The following TNR variants were observed in gnomAD, a reference collection of about 807,000 sequenced individuals.
TNR encodes tenascin-R.
TNR carries 45 observed loss-of-function variants against 150.4 expected under a neutral mutation model. The ratio of observed to expected loss-of-function variants is 0.30; its 90% CI spans 0.24 to 0.38. The LOEUF is 0.38. Among genes scored for constraint, TNR ranks in the 10% least tolerant of loss-of-function variants. The pLI is 1.00. For synonymous variants in TNR, 687 were observed against 678.4 expected (o/e 1.01, Z -0.20); for missense variants, 1,544 against 1,759.1 (o/e 0.88, Z 2.19).
intron 4 of TNR, among the ~76,000 whole-genome samples, chr1:175,398,318 G>A (rs1439595158): frequency 6.6e-6 from 1 of 152,048 alleles, no homozygotes; most frequent in Non-Finnish European, 1.5e-5. Context: ...TCTTGAGGAT[G>A]GCAAATGTTG....
At chr1:175,509,177 G>A (rs1221870823) in intron 2 of TNR, among the ~76,000 whole-genome samples, 1 of 152,090 alleles carries the variant, frequency 6.6e-6, no homozygotes, top group Non-Finnish European at 1.5e-5. Flanking sequence ...TTTCTTTCTG[G>A]ACCAGCCTAG....
intron 1 of TNR, among the ~76,000 whole-genome samples, chr1:175,574,290 T>C (rs759875692): frequency 6.6e-5 from 10 of 152,120 alleles, no homozygotes; most frequent in Admixed American, 2.6e-4. Context: ...CTGGGTGAAA[T>C]GAAAAGACGT....
At chr1:175,720,320 G>T (rs1667264956) in intron 1 of TNR, among the ~76,000 whole-genome samples, 1 of 152,162 alleles carries the variant, frequency 6.6e-6, no homozygotes, top group Non-Finnish European at 1.5e-5. Context: ...CTGCAAGCCA[G>T]AAAATGAGCC....
intron 1 of TNR, among the ~76,000 whole-genome samples, chr1:175,622,830 T>C (rs10913032): frequency 0.48 from 72,246 of 151,988 alleles, 18,359 homozygotes; most frequent in African/African-American, 0.68. Context: ...CTCCTGGTGA[T>C]TTATGGGCAC....
intron 1 of TNR, among the ~76,000 whole-genome samples, chr1:175,681,847 G>T (rs559695768): frequency 4.8e-4 from 73 of 152,266 alleles, no homozygotes; most frequent in African/African-American, 1.7e-3. Context: ...TTCTGTTGGC[G>T]TCTCCACCTG....
chr1:175,657,879 A>ATATATATG (rs1257413429), intron 1 of TNR, among the ~76,000 whole-genome samples: 3 of 121,104 alleles, frequency 2.5e-5, no homozygotes, highest in Admixed American at 8.4e-5. Context: ...ATATATATAT[A>ATATATATG]TATATGTAAC....
chr1:175,459,283 A>T (rs990128808), intron 2 of TNR, among the ~76,000 whole-genome samples: 4 of 151,994 alleles, frequency 2.6e-5, no homozygotes, highest in African/African-American at 9.7e-5. Context: ...CACCATCACC[A>T]TTGCTACCAT....
chr1:175,663,540 C>A (rs547106782), intron 1 of TNR, among the ~76,000 whole-genome samples: 1 of 152,294 alleles, frequency 6.6e-6, no homozygotes, highest in South Asian at 2.1e-4. Flanking sequence ...ACTCTAAGTT[C>A]ACCATGAACC....
intron 2 of TNR, among the ~76,000 whole-genome samples, chr1:175,410,261 G>C (rs897676449): frequency 3.0e-4 from 45 of 152,324 alleles, no homozygotes; most frequent in African/African-American, 1.0e-3. Flanking sequence ...GTGGGGGCCA[G>C]GTCATGCCCA....
rs933225207 is a variant in TNR, at chr1:175,632,266, T to A, written c.-164-103897A>T. Among the ~76,000 whole-genome samples, 5 of 152,196 alleles carry A rather than the reference T, an allele frequency of 3.3e-5. No homozygotes were observed. The South Asian group carries it at 1.0e-3, about 32-fold the overall frequency. ...ACTTGGCAAATGTGATTCTTAGAGA[T>A]GGTGTGAAGAGAACCAGTTTCTCTC... On this transcript the variant is annotated intron_variant, in intron 1 of 22. Coordinates refer to ENST00000367674, the MANE Select transcript of TNR (RefSeq NM_003285.3).
rs1209821284 is a variant in TNR at position 175,623,377 on chromosome 1, CT to C, written c.-164-95009del. On this transcript the variant is annotated intron_variant, in intron 1 of 22. Coordinates refer to ENST00000367674, the MANE Select transcript of TNR (RefSeq NM_003285.3). Reference sequence around the variant, plus strand: ...ATAAAAGACTCCCAGAAAACAGTTTCTTACCCAAAATGTAGCCTCCTAGTTG... The same window carrying C: ...ATAAAAGACTCCCAGAAAACAGTTTCTACCCAAAATGTAGCCTCCTAGTTG... Among the ~76,000 whole-genome samples, 3 of 152,310 alleles carry C rather than the reference CT, an allele frequency of 2.0e-5. No individual in the cohort carries two copies. In the East Asian group the frequency reaches 5.8e-4, roughly 29 times the overall value.
At chr1:175,632,751 A>G (rs1337371210) in intron 1 of TNR, among the ~76,000 whole-genome samples, 3 of 152,218 alleles carry the variant, frequency 2.0e-5, no homozygotes, top group Non-Finnish European at 4.4e-5. Context: ...TCCAGATGAA[A>G]AAAACGAGAT....
At chr1:175,341,161 C>T (rs1302610754) in intron 18 of TNR, among the ~76,000 whole-genome samples, 2 of 152,118 alleles carry the variant, frequency 1.3e-5, no homozygotes, top group East Asian at 3.9e-4. Flanking sequence ...GGGCAAATTT[C>T]AGGCCCTCCT....
intron 1 of TNR, among the ~76,000 whole-genome samples, chr1:175,676,949 C>G: frequency 6.6e-6 from 1 of 152,190 alleles, no homozygotes; most frequent in East Asian, 1.9e-4. Flanking sequence ...AGCATTGTTC[C>G]CATTTTCCAG....
At chr1:175,394,672 T>C (rs1416125638) in intron 5 of TNR, among the ~76,000 whole-genome samples, 1 of 152,252 alleles carries the variant, frequency 6.6e-6, no homozygotes, top group Non-Finnish European at 1.5e-5. Flanking sequence ...ATTTTAGCTT[T>C]GCCTCTCATG....
chr1:175,393,097 T>TCAA (rs1167534095), intron 6 of TNR, among the ~76,000 whole-genome samples: 1 of 152,162 alleles, frequency 6.6e-6, no homozygotes, highest in African/African-American at 2.4e-5. Flanking sequence ...ATTGGTAGGG[T>TCAA]CAACAAATTC....
At chr1:175,593,805 T>G (rs893870527) in intron 1 of TNR, among the ~76,000 whole-genome samples, 2 of 152,162 alleles carry the variant, frequency 1.3e-5, no homozygotes, top group African/African-American at 4.8e-5. Context: ...TTCTCCATGA[T>G]AGAGAAATAT....
At chr1:175,583,577 G>C (rs1156587741) in intron 1 of TNR, among the ~76,000 whole-genome samples, 2 of 152,300 alleles carry the variant, frequency 1.3e-5, no homozygotes, top group East Asian at 3.9e-4. Context: ...AGAAGAGGAG[G>C]GCACTGGGAG....
At chr1:175,562,985 T>G (rs147145929) in intron 1 of TNR, among the ~76,000 whole-genome samples, 1 of 152,160 alleles carries the variant, frequency 6.6e-6, no homozygotes, top group Non-Finnish European at 1.5e-5. Context: ...GTTGACCAAA[T>G]GGAGAGGTTG....
Sources: gnomAD v4.1 joint callset for allele counts (sites outside exome capture counted in the v4.1 genomes callset) on GRCh38, gnomAD v4.1.1 for gene constraint, MANE v1.5 for transcripts, NCBI Gene and HGNC (gene_info 2026-07-23, HGNC 2026-07-21) for gene names.